PLCL1: variants seen among roughly 807,000 people sequenced by gnomAD.
The protein encoded by PLCL1 is inactive phospholipase C-like protein 1.
Under a neutral mutation model 84.4 loss-of-function variants are expected in PLCL1, and 41 were observed. The ratio of observed to expected loss-of-function variants is 0.49; its 90% CI spans 0.38 to 0.63. PLCL1 has a LOEUF of 0.63. Among genes scored for constraint, PLCL1 ranks in the 30% least tolerant of loss-of-function variants. The pLI is 0.00. For missense variants in PLCL1, 1,206 were observed against 1,367.8 expected (o/e 0.88, Z 1.87); for synonymous variants, 490 against 488.3 (o/e 1.00, Z -0.05).
intron 1 of PLCL1, among the ~76,000 whole-genome samples, chr2:197,911,755 A>G (rs142883985): frequency 9.5e-4 from 144 of 152,322 alleles, no homozygotes; most frequent in African/African-American, 3.3e-3. Context: ...TAATAGATCA[A>G]GAGTTTTCAG....
At chr2:197,868,083 T>C (rs1411185015) in intron 1 of PLCL1, among the ~76,000 whole-genome samples, 4 of 152,194 alleles carry the variant, frequency 2.6e-5, no homozygotes, top group Admixed American at 2.0e-4. Flanking sequence ...CGGTGACCAC[T>C]GTATTATTCA....
At chr2:198,064,768 A>G (rs1692283664) in intron 1 of PLCL1, among the ~76,000 whole-genome samples, 1 of 152,150 alleles carries the variant, frequency 6.6e-6, no homozygotes, top group Admixed American at 6.5e-5. Flanking sequence ...TTATGACTGT[A>G]CTTCTTCTAT....
Position 197,816,880 on chromosome 2 carries a change from T to C in PLCL1, c.240+11541T>C, listed in dbSNP as rs533022184. 2.0e-5 allele frequency among the ~76,000 whole-genome samples: 3 copies of C among 152,290 alleles called. No individual in the cohort carries two copies. In the South Asian group the frequency reaches 6.2e-4, roughly 32 times the overall value. ...ACTGAAATTCTGTCTGATCAATTAA[T>C]TTCTTATTTTTGGTAGAAATTGCAA... On this transcript the variant is annotated intron_variant, in intron 1 of 5. Coordinates refer to ENST00000428675, the MANE Select transcript of PLCL1 (RefSeq NM_006226.4).
intron 1 of PLCL1, among the ~76,000 whole-genome samples, chr2:197,975,654 A>AT (rs1689966137): frequency 6.6e-6 from 1 of 152,062 alleles, no homozygotes; most frequent in African/African-American, 2.4e-5. Flanking sequence ...AAATACTTAA[A>AT]AATTAGCTGG....
chr2:198,017,651 C>G (rs531467683), intron 1 of PLCL1, among the ~76,000 whole-genome samples: 3 of 152,350 alleles, frequency 2.0e-5, no homozygotes, highest in African/African-American at 7.2e-5. Context: ...GTTGATTTCT[C>G]AGCTCTAAGA....
intron 1 of PLCL1, among the ~76,000 whole-genome samples, chr2:198,028,632 G>A (rs1691330946): frequency 1.3e-5 from 2 of 152,088 alleles, no homozygotes; most frequent in South Asian, 2.1e-4. Context: ...GAGAGATCAC[G>A]GTCATATTTT....
chr2:197,980,461 A>T (rs553975617), intron 1 of PLCL1, among the ~76,000 whole-genome samples: 1 of 152,192 alleles, frequency 6.6e-6, no homozygotes, highest in African/African-American at 2.4e-5. Flanking sequence ...CTGCTTTCCC[A>T]TAAGGACACT....
intron 3 of PLCL1, among the ~76,000 whole-genome samples, chr2:198,097,280 C>T (rs1236419002): frequency 2.6e-5 from 4 of 152,130 alleles, no homozygotes; most frequent in African/African-American, 7.2e-5. Context: ...AAATTATCAG[C>T]ATCTTGAGGA....
At chr2:197,869,794 T>G (rs898248291) in intron 1 of PLCL1, among the ~76,000 whole-genome samples, 9 of 152,162 alleles carry the variant, frequency 5.9e-5, no homozygotes, top group Non-Finnish European at 1.5e-5. Flanking sequence ...TTATCTGTCA[T>G]GTAAAAACAG....
In PLCL1 at chr2:197,954,645, A is replaced by G. The variant is rs186418550; in HGVS notation, c.241-129113A>G. Among the ~76,000 whole-genome samples, 28 of 152,220 alleles carry G rather than the reference A, an allele frequency of 1.8e-4. No homozygotes were observed. In the East Asian group the frequency reaches 5.2e-3, roughly 28 times the overall value. On this transcript the variant is annotated intron_variant, in intron 1 of 5. Coordinates refer to ENST00000428675, the MANE Select transcript of PLCL1 (RefSeq NM_006226.4). ...GGCGCTTCTTTGCTGAAGTATGATT[A>G]TATTCAGAAACGACTAGCTTTGTAA...
intron 1 of PLCL1, among the ~76,000 whole-genome samples, chr2:197,916,835 T>C (rs1045981242): frequency 2.0e-5 from 3 of 152,098 alleles, no homozygotes; most frequent in Non-Finnish European, 2.9e-5. Flanking sequence ...AAAATATACA[T>C]GATGACAAGC....
chr2:197,811,422 T>C (rs1415772435), intron 1 of PLCL1, among the ~76,000 whole-genome samples: 1 of 152,254 alleles, frequency 6.6e-6, no homozygotes, highest in Non-Finnish European at 1.5e-5. Flanking sequence ...CCTAGTTTAT[T>C]TTCAGCAGTG....
At chr2:198,096,110 G>C (rs1019079283) in intron 3 of PLCL1, among the ~76,000 whole-genome samples, 1 of 152,174 alleles carries the variant, frequency 6.6e-6, no homozygotes, top group Non-Finnish European at 1.5e-5. Flanking sequence ...GAAAGAAATA[G>C]TATGAAGCAA....
intron 1 of PLCL1, among the ~76,000 whole-genome samples, chr2:198,058,695 T>C (rs1046068701): frequency 6.6e-6 from 1 of 152,052 alleles, no homozygotes; most frequent in Non-Finnish European, 1.5e-5. Flanking sequence ...ATCTAAAAGA[T>C]AGCTGTTTTA....
rs111677275 is a variant in PLCL1 at position 198,081,370 on chromosome 2, G to A, written c.241-2388G>A. On this transcript the variant is annotated intron_variant, in intron 1 of 5. Coordinates refer to ENST00000428675, the MANE Select transcript of PLCL1 (RefSeq NM_006226.4). ...ACAGTTTTCTTCTTTATTTTAATTA[G>A]TAGATTAATCCTGTCTCAGCAATGC... 6.7e-3 allele frequency among the ~76,000 whole-genome samples: 1,018 copies of A among 152,240 alleles called. 15 individuals carry two copies. The highest frequency in any genetic ancestry group is 0.023 in the African/African-American group (960 of 41,530).
chr2:197,879,270 C>T (rs1687787615), intron 1 of PLCL1, among the ~76,000 whole-genome samples: 1 of 152,184 alleles, frequency 6.6e-6, no homozygotes, highest in Non-Finnish European at 1.5e-5. Context: ...ATCTGACCAT[C>T]AAATCTAATA....
At chr2:197,942,027 C>G (rs1238159469) in intron 1 of PLCL1, among the ~76,000 whole-genome samples, 1 of 152,186 alleles carries the variant, frequency 6.6e-6, no homozygotes, top group Non-Finnish European at 1.5e-5. Context: ...TCACTCTTTT[C>G]TCTCATTGAT....
At chr2:197,842,140 C>T (rs1335015743) in intron 1 of PLCL1, among the ~76,000 whole-genome samples, 1 of 152,114 alleles carries the variant, frequency 6.6e-6, no homozygotes, top group Non-Finnish European at 1.5e-5. Context: ...ACATTCTTGC[C>T]TTTTTCTTTA....
chr2:198,104,345 T>G (rs1458389801), intron 5 of PLCL1, among the ~76,000 whole-genome samples: 3 of 152,076 alleles, frequency 2.0e-5, no homozygotes, highest in African/African-American at 7.2e-5. Context: ...TCCAGCTCCA[T>G]CCATGTTGCT....
Sources: allele counts gnomAD v4.1 joint callset (sites outside exome capture counted in the v4.1 genomes callset), GRCh38; gene constraint gnomAD v4.1.1; transcripts MANE v1.5; gene names NCBI Gene and HGNC (gene_info 2026-07-23, HGNC 2026-07-21).